Variants in HDAC4 observed in about 807,000 individuals in gnomAD.
The protein encoded by HDAC4 is histone deacetylase 4.
Under a neutral mutation model 135.1 loss-of-function variants are expected in HDAC4, and 16 were observed. The observed-to-expected ratio is 0.12, with a 90% CI of 0.08 to 0.18. HDAC4 has a LOEUF of 0.18. Ranked by LOEUF, HDAC4 falls within the 10% of genes least tolerant of loss-of-function variation. The probability of loss-of-function intolerance (pLI) is 1.00; values close to 1 mark genes in which losing one functional copy is unlikely to be tolerated. For missense variants in HDAC4, 1,143 were observed against 1,511.8 expected, an observed-to-expected ratio of 0.76 and a Z score of 4.05; for synonymous variants, 685 against 653.4, an observed-to-expected ratio of 1.05 and a Z score of -0.74.
In HDAC4 at chr2:239,049,507, A is replaced by G. The variant is rs1431601882; in HGVS notation, c.*3590T>C. 1 of 152,154 alleles carries G rather than the reference A, an allele frequency of 6.6e-6. No homozygotes were observed. The highest frequency in any genetic ancestry group is 1.9e-4 in the East Asian group (1 of 5,196). 9.4% of individuals were successfully genotyped at this position (152,154 alleles called of 1,614,324 possible). A position where few individuals can be genotyped will look rare whatever the true frequency, so the allele number is the denominator to read the frequency against. ...TATATTTATATATGTATCAATGCCC[A>G]TAAAACACGTGGGCCCAAAGTCTAC... On this transcript the variant is annotated 3_prime_UTR_variant, in exon 27 of 27. Transcript: ENST00000543185.
At chr2:239,089,867 G>C (rs1426342665) in intron 18 of HDAC4, 142 bp downstream of exon 18, 1 of 705,934 alleles carries the variant, frequency 1.4e-6, no homozygotes, top group African/African-American at 1.7e-5. Context: ...GCGAGGCTGT[G>C]CTGACAGAGT....
chr2:239,321,922 T>G (rs1016425787), intron 2 of HDAC4, among the ~76,000 whole-genome samples: 4 of 152,140 alleles, frequency 2.6e-5, no homozygotes, highest in African/African-American at 9.7e-5. Flanking sequence ...AACAAAGAAT[T>G]GGACAAAACA....
chr2:239,085,265 T>C (rs2035822353), intron 19 of HDAC4, among the ~76,000 whole-genome samples: 1 of 152,150 alleles, frequency 6.6e-6, no homozygotes, highest in African/African-American at 2.4e-5. Context: ...TTACCTTTAA[T>C]TTTAGAGAGT....
chr2:239,145,143 T>G (rs905469374), intron 7 of HDAC4, among the ~76,000 whole-genome samples: 6 of 152,192 alleles, frequency 3.9e-5, no homozygotes, highest in African/African-American at 1.4e-4. Context: ...TGTGTTGCTC[T>G]AAAATCAGAG....
chr2:239,058,454 AAAT>A (rs1229664348), intron 24 of HDAC4, among the ~76,000 whole-genome samples: 2 of 152,242 alleles, frequency 1.3e-5, no homozygotes, highest in African/African-American at 4.8e-5. Flanking sequence ...TAGGACGTGA[AAAT>A]AATATATTGC....
At chr2:239,231,544 G>A (rs2047557729) in intron 3 of HDAC4, among the ~76,000 whole-genome samples, 1 of 152,242 alleles carries the variant, frequency 6.6e-6, no homozygotes, top group South Asian at 2.1e-4. Flanking sequence ...CATGCCGTCT[G>A]TTTAACAGTA....
chr2:239,190,295 C>A (rs11894562), intron 3 of HDAC4, among the ~76,000 whole-genome samples: 237 of 152,180 alleles, frequency 1.6e-3, no homozygotes, highest in African/African-American at 5.6e-3. Flanking sequence ...AGGGCAAAAA[C>A]CACAAAAGCC....
intron 2 of HDAC4, among the ~76,000 whole-genome samples, chr2:239,276,683 C>CCTGCTGCCTGGACACTACCCGCTGT (rs1448653457): frequency 2.0e-5 from 3 of 152,142 alleles, no homozygotes; most frequent in African/African-American, 7.2e-5. Flanking sequence ...CGGAACACTG[C>CCTGCTGCCTGGACACTACCCGCTGT]CTGCTGCCTG....
intron 2 of HDAC4, among the ~76,000 whole-genome samples, chr2:239,257,614 C>T (rs946742305): frequency 6.6e-6 from 1 of 152,136 alleles, no homozygotes; most frequent in Non-Finnish European, 1.5e-5. Context: ...AATAAATGGA[C>T]CCTCAACAAT....
At chr2:239,322,252 A>C (rs1361668042) in intron 2 of HDAC4, among the ~76,000 whole-genome samples, 1 of 152,262 alleles carries the variant, frequency 6.6e-6, no homozygotes, top group Non-Finnish European at 1.5e-5. Flanking sequence ...CCCTGTCTCC[A>C]GATCCTATTC....
At chr2:239,076,393 C>T (rs1559378819) in intron 22 of HDAC4, among the ~76,000 whole-genome samples, 1 of 152,250 alleles carries the variant, frequency 6.6e-6, no homozygotes, top group Non-Finnish European at 1.5e-5. Flanking sequence ...CAAATTATGG[C>T]CTGTACATAC....
At chr2:239,202,506 C>T (rs2045817754) in intron 3 of HDAC4, among the ~76,000 whole-genome samples, 1 of 152,128 alleles carries the variant, frequency 6.6e-6, no homozygotes, top group Admixed American at 6.5e-5. Flanking sequence ...GGGGCGACAG[C>T]AGGATGTCTG....
chr2:239,052,928 C>A lies in HDAC4; in HGVS notation c.*169G>T. 1 of 757,442 alleles carries A rather than the reference C, an allele frequency of 1.3e-6. No individual in the cohort carries two copies. Among genetic ancestry groups the A allele is most frequent in the Admixed American group, 2.0e-5 (1 of 49,974 alleles). The allele number at this position is 757,442 out of a possible 1,614,324, so 46.9% of individuals were successfully genotyped here. A position where few individuals can be genotyped will look rare whatever the true frequency, so the allele number is the denominator to read the frequency against. On this transcript the variant is annotated 3_prime_UTR_variant, in exon 27 of 27. Coordinates refer to ENST00000543185, the MANE Select transcript of HDAC4 (RefSeq NM_001378414.1). ...CCAGGCGTGCATGTGCGTCTCGAGA[C>A]CTGTGGGCCTGGGCGGCAGAAAGGC...
chr2:239,112,618 C>A (rs1316342364), intron 13 of HDAC4, among the ~76,000 whole-genome samples: 1 of 152,116 alleles, frequency 6.6e-6, no homozygotes, highest in East Asian at 1.9e-4. Context: ...GGCTGAGGTG[C>A]AAACCCCCAT....
At chr2:239,292,383 C>T (rs2051575349) in intron 2 of HDAC4, among the ~76,000 whole-genome samples, 1 of 152,192 alleles carries the variant, frequency 6.6e-6, no homozygotes, top group South Asian at 2.1e-4. Flanking sequence ...AGATGTGTGA[C>T]AGAAAGACCC....
chr2:239,198,385 G>T (rs960636144), intron 3 of HDAC4, among the ~76,000 whole-genome samples: 2 of 152,168 alleles, frequency 1.3e-5, no homozygotes, highest in African/African-American at 4.8e-5. Context: ...CCTAGGGCTG[G>T]CCTACTGTCC....
intron 2 of HDAC4, among the ~76,000 whole-genome samples, chr2:239,339,245 G>T (rs1692139976): frequency 6.6e-6 from 1 of 152,186 alleles, no homozygotes; most frequent in African/African-American, 2.4e-5. Flanking sequence ...CTGCCCCACT[G>T]CTCACTGTCC....
chr2:239,055,438 C>T (rs62189526), intron 24 of HDAC4: 18,615 of 163,590 alleles, frequency 0.11, 1,367 homozygotes, highest in Non-Finnish European at 0.16. Flanking sequence ...GTTGACTGGC[C>T]GGGCGTGGTG....
In HDAC4 at chr2:239,172,331, T is replaced by C. The variant is rs116913531; in HGVS notation, c.490+4082A>G. Among the ~76,000 whole-genome samples, 306 of 147,370 alleles carry C rather than the reference T, an allele frequency of 2.1e-3. 2 individuals are homozygous for C. Among genetic ancestry groups the C allele is most frequent in the East Asian group, 0.016 (80 of 5,112 alleles). ...ATATATATATATATCACTAAAAACA[T>C]ACACTAAAGGCAAGACAAGTGCATT... On this transcript the variant is annotated intron_variant, in intron 5 of 26. Coordinates refer to ENST00000543185, the MANE Select transcript of HDAC4 (RefSeq NM_001378414.1).
Sources: gnomAD v4.1 joint callset for allele counts (sites outside exome capture counted in the v4.1 genomes callset) on GRCh38, gnomAD v4.1.1 for gene constraint, MANE v1.5 for transcripts, NCBI Gene and HGNC (gene_info 2026-07-23, HGNC 2026-07-21) for gene names.